The following RELN variants were observed in gnomAD, a reference collection of about 807,000 sequenced individuals.
RELN encodes the protein reelin.
RELN carries 108 observed loss-of-function variants against 427.6 expected under a neutral mutation model. The observed-to-expected ratio is 0.25, with a 90% CI of 0.22 to 0.30. The LOEUF (loss-of-function observed/expected upper bound fraction) is 0.30. RELN is among the 10% of genes least tolerant of loss of function. RELN has a pLI of 1.00. For missense variants in RELN, 3,715 were observed against 4,302.8 expected (o/e 0.86, Z 3.82); for synonymous variants, 1,524 against 1,513.4 (o/e 1.01, Z -0.16).
intron 6 of RELN, among the ~76,000 whole-genome samples, chr7:103,744,982 A>G (rs1790778558): frequency 6.6e-6 from 1 of 152,206 alleles, no homozygotes; most frequent in African/African-American, 2.4e-5. Context: ...TTTTAGACCA[A>G]TATCCTTGAT....
At chr7:103,872,287 C>T (rs1434817036) in intron 2 of RELN, among the ~76,000 whole-genome samples, 1 of 129,764 alleles carries the variant, frequency 7.7e-6, no homozygotes, top group Non-Finnish European at 1.6e-5. Context: ...TTGTTCAATT[C>T]CCACCTATAA....
At chr7:103,537,219 A>AT (rs888315275) in intron 45 of RELN, among the ~76,000 whole-genome samples, 19 of 151,958 alleles carry the variant, frequency 1.3e-4, no homozygotes, top group South Asian at 1.0e-3. Flanking sequence ...AGATCTGCTG[A>AT]TTTTTTTTGC....
At chr7:103,732,671 G>A (rs1057068498) in intron 6 of RELN, among the ~76,000 whole-genome samples, 5 of 152,062 alleles carry the variant, frequency 3.3e-5, no homozygotes, top group African/African-American at 1.2e-4. Flanking sequence ...AAATTCCAAG[G>A]AAAGTAATTC....
intron 50 of RELN, among the ~76,000 whole-genome samples, chr7:103,511,282 A>C (rs1344516354): frequency 6.6e-6 from 1 of 152,214 alleles, no homozygotes; most frequent in Non-Finnish European, 1.5e-5. Flanking sequence ...AATGAAAATC[A>C]AAAGGAAATA....
intron 1 of RELN, among the ~76,000 whole-genome samples, chr7:103,943,709 G>T (rs1394145881): frequency 6.6e-6 from 1 of 151,652 alleles, no homozygotes; most frequent in East Asian, 1.9e-4. Context: ...AAATTAGCTG[G>T]GTGTGGCGGG....
At chr7:103,639,534 G>C (rs1200691062) in intron 17 of RELN, among the ~76,000 whole-genome samples, 1 of 151,522 alleles carries the variant, frequency 6.6e-6, no homozygotes, top group Non-Finnish European at 1.5e-5. Context: ...CGAGTAGCTG[G>C]GATTACAGAT....
At chr7:103,503,469 C>G (rs1475890421) in intron 51 of RELN, among the ~76,000 whole-genome samples, 1 of 152,138 alleles carries the variant, frequency 6.6e-6, no homozygotes, top group East Asian at 1.9e-4. Flanking sequence ...GAAACTCAGA[C>G]CCCGTGCTTC....
intron 20 of RELN, among the ~76,000 whole-genome samples, chr7:103,612,697 T>C (rs1392570079): frequency 6.6e-6 from 1 of 152,250 alleles, no homozygotes; most frequent in Non-Finnish European, 1.5e-5. Context: ...TTCCTTATTT[T>C]TCAAATGGCC....
Position 103,651,679 on chromosome 7 carries a change from G to A in RELN, c.1874C>T (p.Ser625Phe), listed in dbSNP as rs745937464. Residue 625 changes from serine (S) to phenylalanine (F), a missense_variant, in exon 15 of 65, where the codon TCC (serine) becomes TTC (phenylalanine). Coordinates refer to ENST00000428762, the MANE Select transcript of RELN (RefSeq NM_005045.4). Reference sequence around the variant, plus strand: ...TACTCACCCACTGTAGTTTTCAGAGGAGTAGACAGTGCTGTGGGGGAGGTG... The same window carrying A: ...TACTCACCCACTGTAGTTTTCAGAGAAGTAGACAGTGCTGTGGGGGAGGTG... ...GPHLPHSTVY[S>F]SENYSGWNRI... 5.0e-6 allele frequency: 8 copies of A among 1,611,862 alleles called. No homozygotes were observed. The highest frequency in any genetic ancestry group is 5.9e-6 in the Non-Finnish European group (7 of 1,178,506).
chr7:103,548,574 A>C (rs906067612), intron 41 of RELN, among the ~76,000 whole-genome samples: 1 of 152,214 alleles, frequency 6.6e-6, no homozygotes, highest in East Asian at 1.9e-4. Flanking sequence ...GTGGGTTTAT[A>C]CCATTCTGAG....
At chr7:103,568,170 C>G (rs941085850) in intron 31 of RELN, among the ~76,000 whole-genome samples, 1 of 152,150 alleles carries the variant, frequency 6.6e-6, no homozygotes, top group Admixed American at 6.5e-5. Flanking sequence ...TCTTGACTAA[C>G]TAGAACTTCT....
At chr7:103,520,064 T>G (rs13227645) in intron 48 of RELN, among the ~76,000 whole-genome samples, 7,551 of 152,212 alleles carry the variant, frequency 0.05, 249 homozygotes, top group South Asian at 0.15. Flanking sequence ...TTTCCTTTTT[T>G]TTAATATGAA....
chr7:103,873,002 T>A (rs962456411), intron 2 of RELN, among the ~76,000 whole-genome samples: 1 of 151,932 alleles, frequency 6.6e-6, no homozygotes, highest in African/African-American at 2.4e-5. Flanking sequence ...ATTAACAAAC[T>A]ATCTCTCAGA....
intron 2 of RELN, among the ~76,000 whole-genome samples, chr7:103,862,764 G>T (rs189204880): frequency 5.1e-4 from 77 of 152,282 alleles, no homozygotes; most frequent in African/African-American, 1.7e-3. Flanking sequence ...AGCCTTGGAT[G>T]TCCATTGGCA....
intron 2 of RELN, among the ~76,000 whole-genome samples, chr7:103,874,576 G>C (rs1244518989): frequency 6.9e-6 from 1 of 145,600 alleles, no homozygotes; most frequent in African/African-American, 2.5e-5. Context: ...GACAAACAGA[G>C]AGCCAAATTA....
intron 4 of RELN, among the ~76,000 whole-genome samples, chr7:103,763,185 A>T (rs543308413): frequency 3.9e-5 from 6 of 152,338 alleles, no homozygotes; most frequent in African/African-American, 1.4e-4. Context: ...AGTAAAGTTC[A>T]TCAATGAAAA....
chr7:103,906,022 C>T (rs1470591198), intron 2 of RELN, among the ~76,000 whole-genome samples: 2 of 152,000 alleles, frequency 1.3e-5, no homozygotes, highest in Non-Finnish European at 1.5e-5. Flanking sequence ...TTTAAAAGAG[C>T]TGGAATTTTG....
chr7:103,708,524 C>T (rs1026198150), intron 8 of RELN, among the ~76,000 whole-genome samples: 5 of 135,794 alleles, frequency 3.7e-5, no homozygotes, highest in East Asian at 2.2e-4. Flanking sequence ...ACTGCAGTGG[C>T]GCGATCTCGG....
intron 2 of RELN, among the ~76,000 whole-genome samples, chr7:103,881,056 T>C (rs914374087): frequency 6.6e-6 from 1 of 152,144 alleles, no homozygotes; most frequent in African/African-American, 2.4e-5. Context: ...GACTCTTTCA[T>C]CTTAAGCAAA....
Sources: allele counts gnomAD v4.1 joint callset (sites outside exome capture counted in the v4.1 genomes callset), GRCh38; gene constraint gnomAD v4.1.1; transcripts MANE v1.5; gene names NCBI Gene and HGNC (gene_info 2026-07-23, HGNC 2026-07-21).